CROCC2: variants seen among roughly 807,000 people sequenced by gnomAD.
CROCC2 encodes ciliary rootlet coiled-coil, rootletin family member 2, also known as ciliary rootlet coiled-coil protein 2.
In CROCC2, 163 loss-of-function variants were observed where a neutral mutation model predicts 177.6. The ratio of observed to expected loss-of-function variants is 0.92; its 90% CI spans 0.81 to 1.05. CROCC2 has a LOEUF of 1.05. Among genes scored for constraint, CROCC2 ranks in the 50% least tolerant of loss-of-function variants. The probability of loss-of-function intolerance (pLI) is 0.00; values close to 1 mark genes in which losing one functional copy is unlikely to be tolerated. For synonymous variants in CROCC2, 904 were observed against 787.3 expected, an observed-to-expected ratio of 1.15 and a Z score of -2.48; for missense variants, 1,929 against 1,797.8, an observed-to-expected ratio of 1.07 and a Z score of -1.32.
rs968120135 is a variant in CROCC2, at chr2:240,968,361, G to A, written c.4401+99G>A. The A allele has an allele frequency of 3.0e-5, 41 of 1,374,772 alleles. No homozygotes were observed. The Middle Eastern group carries it at 2.6e-3, about 89-fold the overall frequency. The allele number at this position is 1,374,772 out of a possible 1,614,324, so 85.2% of individuals were successfully genotyped here. On this transcript the variant is annotated intron_variant, in intron 27 of 31. Transcript: ENST00000690015. ...GGGAGGCCACAGGGCCGGGAGGTGG[G>A]AGAGAGGGGTCTGCAAGGGCTTCTG... is the stretch of plus-strand genomic sequence containing the variant.
rs531136320 is a variant in CROCC2 at position 240,940,295 on chromosome 2, G to A, written c.2169+4707G>A. Among the ~76,000 whole-genome samples, 5 of 152,214 alleles carry A rather than the reference G, an allele frequency of 3.3e-5. No individual in the cohort carries two copies. The East Asian group carries it at 9.6e-4, about 29-fold the overall frequency. On this transcript the variant is annotated intron_variant, in intron 14 of 31. Coordinates refer to ENST00000690015, the MANE Select transcript of CROCC2 (RefSeq NM_001351305.2). ...TATATTTAGTATTTTATTTCTTCAT[G>A]AGGAATTGGTATTTTATCATTATAA...
Position 240,965,708 on chromosome 2 carries a change from C to A in CROCC2, c.3676C>A (p.His1226Asn). 1.3e-6 allele frequency: 2 copies of A among 1,548,694 alleles called. No homozygotes were observed. Among genetic ancestry groups the A allele is most frequent in the Non-Finnish European group, 1.7e-6 (2 of 1,146,094 alleles). The change falls in exon 24 of 32, where the codon CAC becomes AAC. Residue 1226 changes from histidine to asparagine, a missense_variant. His to Asn is a moderately conservative substitution (Grantham distance 68). Around this residue, in one of 3 missense-constraint regions of CROCC2, gnomAD observed 144 missense variants for 205.2 expected, o/e 0.70. Transcript: ENST00000690015. ...GGCCCATGGACAGCGGCTCCAGGAG[C>A]ACCTCCGTGAGAGCCGGGGGGCTGA... is the stretch of plus-strand genomic sequence containing the variant. ...GEAHGQRLQE[H>N]LRESRGAEQT...
At chr2:240,969,761 C>T (rs529423219) in intron 27 of CROCC2, among the ~76,000 whole-genome samples, 52 of 152,354 alleles carry the variant, frequency 3.4e-4, no homozygotes, top group African/African-American at 1.3e-3. Context: ...GATGGAGTCT[C>T]ATTCTGTCAC....
intron 30 of CROCC2, 64 bp from the exon 31 acceptor site, chr2:240,991,132 C>G: frequency 2.3e-6 from 3 of 1,311,540 alleles, no homozygotes; most frequent in Non-Finnish European, 3.1e-6. Flanking sequence ...CTCCATGCCT[C>G]TATGCCCTGG....
At chr2:240,974,391 G>C (rs1384807079) in intron 27 of CROCC2, among the ~76,000 whole-genome samples, 1 of 146,722 alleles carries the variant, frequency 6.8e-6, no homozygotes, top group Non-Finnish European at 1.5e-5. Context: ...ACCCAGGCTA[G>C]AGTGCAGTGG....
chr2:240,959,574 T>G, intron 20 of CROCC2, 130 bp downstream of exon 20: 1 of 1,227,676 alleles, frequency 8.1e-7, no homozygotes, highest in Non-Finnish European at 1.1e-6. Flanking sequence ...GGAAGAGTAG[T>G]CCCTGGGACT....
In CROCC2 at chr2:240,973,535, C is replaced by T. The variant is rs563602939; in HGVS notation, c.4401+5273C>T. ...AGGCCTCCTTCCCCCACTGTGCCCA[C>T]GTGCCACACCCACCCCCCCAGCTCC... is the stretch of plus-strand genomic sequence containing the variant. On this transcript the variant is annotated intron_variant, in intron 27 of 31. Transcript: ENST00000690015. The surrounding 1 kb of genome is among the most constrained non-coding windows in gnomAD (Gnocchi z 4.7). Among the ~76,000 whole-genome samples, 27 of 152,204 alleles carry T rather than the reference C, an allele frequency of 1.8e-4. No individual in the cohort carries two copies. In the East Asian group the frequency reaches 3.5e-3, roughly 20 times the overall value.
At chr2:240,989,539 C>A in intron 29 of CROCC2, 115 bp from the exon 30 acceptor site, 2 of 1,006,396 alleles carry the variant, frequency 2.0e-6, no homozygotes, top group Non-Finnish European at 2.9e-6. Context: ...TCAACACCGG[C>A]AGAGGGCAGT....
chr2:240,922,565 G>A lies in CROCC2; in HGVS notation c.408G>A (p.Glu136=). Residue 136 remains glutamate, a synonymous_variant, in exon 4 of 32, where the codon GAG becomes GAA. Transcript: ENST00000690015. ...EQLQARLETT[E]AQLRRSELEH... is the part of the protein sequence containing the mutation. ...TGCAGGCCCGGCTGGAGACCACCGAGGCTCAGCTGCGGAGGTCAGAGCTGG... is the reference window on the plus strand; with the variant it reads ...TGCAGGCCCGGCTGGAGACCACCGAAGCTCAGCTGCGGAGGTCAGAGCTGG... The A allele has an allele frequency of 2.9e-6, 2 of 696,216 alleles. No homozygotes were observed. The highest frequency in any genetic ancestry group is 5.4e-6 in the Non-Finnish European group (2 of 372,190). The allele number at this position is 696,216 out of a possible 1,614,324, so 43.1% of individuals were successfully genotyped here.
At chr2:240,940,589 CAA>C (rs1350345625) in intron 14 of CROCC2, among the ~76,000 whole-genome samples, 1 of 151,812 alleles carries the variant, frequency 6.6e-6, no homozygotes, top group Non-Finnish European at 1.5e-5. Flanking sequence ...GAATTAAAAA[CAA>C]AAATCACATG....
chr2:240,949,024 G>A lies in CROCC2; in HGVS notation c.2409G>A (p.Gln803=), dbSNP rs766550183. 8 of 1,550,084 alleles carry A rather than the reference G, an allele frequency of 5.2e-6. No individual in the cohort carries two copies. Among genetic ancestry groups the A allele is most frequent in the African/African-American group, 1.4e-5 (1 of 73,164 alleles). The change falls in exon 16 of 32, where the codon CAG becomes CAA. Residue 803 remains glutamine, a synonymous_variant. Transcript: ENST00000690015. The surrounding 1 kb of genome is among the most constrained non-coding windows in gnomAD (Gnocchi z 4.5). ...SLESSLLEAQ[Q]LATKLQEQLE... ...AGAGCAGCCTCCTTGAGGCCCAACA[G>A]CTGGCCACAAAGCTGCAGGAGCAGC...
chr2:240,968,332 T>C lies in CROCC2; in HGVS notation c.4401+70T>C, dbSNP rs2106481841. Reference sequence around the variant, plus strand: ...AGGCCTCTCGGTCACCCTCACACCCTGCAGGGAGGCCACAGGGCCGGGAGG... The same window carrying C: ...AGGCCTCTCGGTCACCCTCACACCCCGCAGGGAGGCCACAGGGCCGGGAGG... On this transcript the variant is annotated intron_variant, in intron 27 of 31. Transcript: ENST00000690015. The C allele has an allele frequency of 2.8e-6, 4 of 1,426,080 alleles. No homozygotes were observed. The East Asian group carries it at 1.1e-4, about 38-fold the overall frequency. 88.3% of individuals were successfully genotyped at this position (1,426,080 alleles called of 1,614,324 possible).
At chr2:240,930,845 G>C in intron 6 of CROCC2, 86 bp from the exon 7 acceptor site, 1 of 608,912 alleles carries the variant, frequency 1.6e-6, no homozygotes, top group Non-Finnish European at 3.0e-6. Context: ...GGCCAAGGAG[G>C]GGGTCCTCTG....
intron 29 of CROCC2, 99 bp downstream of exon 29, chr2:240,988,969 C>A: frequency 8.2e-7 from 1 of 1,225,292 alleles, no homozygotes; most frequent in Non-Finnish European, 1.1e-6. Flanking sequence ...GCTGGTGTAC[C>A]TCCATCTCAC....
In CROCC2 at chr2:240,932,758, GGGGGAGCCACGGCGCCCACTGA is replaced by G. The variant is rs1559595191; in HGVS notation, c.1104_1125del (p.Glu369AlafsTer34). 8.7e-7 allele frequency: 1 copy of G among 1,145,772 alleles called. No homozygotes were observed. The highest frequency in any genetic ancestry group is 1.5e-5 in the African/African-American group (1 of 65,308). 71.0% of individuals were successfully genotyped at this position (1,145,772 alleles called of 1,614,324 possible). On this transcript the variant is annotated frameshift_variant, in exon 9 of 32. Transcript: ENST00000690015. LOFTEE classifies it high-confidence loss of function. ...TGGCAGGTAGCAGCATCACTGAATTGGGGGAGCCACGGCGCCCACTGAGGAGCCCCCAACGTGCCACATCCCC... is the reference window on the plus strand; with the variant it reads ...TGGCAGGTAGCAGCATCACTGAATTGGGAGCCCCCAACGTGCCACATCCCC...
intron 20 of CROCC2, among the ~76,000 whole-genome samples, chr2:240,961,847 G>C (rs1371499643): frequency 2.0e-5 from 1 of 49,342 alleles, no homozygotes; most frequent in Non-Finnish European, 3.9e-5. Context: ...ATACACTCAT[G>C]ACACACACGC....
chr2:240,907,422 A>G (rs1259822307), intron 1 of CROCC2, among the ~76,000 whole-genome samples: 1 of 151,982 alleles, frequency 6.6e-6, no homozygotes, highest in Non-Finnish European at 1.5e-5. Flanking sequence ...CCCACCTCCA[A>G]CGGACCCCTC....
chr2:240,974,073 C>T (rs1157334719), intron 27 of CROCC2, among the ~76,000 whole-genome samples: 2 of 152,236 alleles, frequency 1.3e-5, no homozygotes, highest in Admixed American at 6.5e-5. Context: ...AAGACCTGCA[C>T]ATACGTCTGC....
chr2:240,966,145 G>T (rs1391997422), intron 24 of CROCC2, 80 bp from the exon 25 acceptor site: 1 of 1,253,800 alleles, frequency 8.0e-7, no homozygotes, highest in African/African-American at 1.5e-5. Flanking sequence ...CCATGGCTGG[G>T]GCAGCAGAGA....
Sources: gnomAD v4.1 joint callset for allele counts (sites outside exome capture counted in the v4.1 genomes callset) on GRCh38, gnomAD v4.1.1 for gene constraint, gnomAD v4.1.1 regional missense constraint, Gnocchi (gnomAD v3.1) non-coding constraint, MANE v1.5 for transcripts, NCBI Gene and HGNC (gene_info 2026-07-23, HGNC 2026-07-21) for gene names.